The following NARS2 variants were observed in gnomAD, a reference collection of about 807,000 sequenced individuals.
NARS2 encodes asparaginyl-tRNA synthetase.
NARS2 carries 60 observed loss-of-function variants against 62.9 expected under a neutral mutation model. That is an observed-to-expected ratio of 0.95 (90% CI 0.77 to 1.18). The LOEUF (loss-of-function observed/expected upper bound fraction) is 1.18, where lower values mean the gene tolerates loss of function less well. Among genes scored for constraint, NARS2 ranks in the 50% most tolerant of loss-of-function variants. The pLI is 0.00. For missense variants in NARS2, 619 were observed against 576.4 expected (o/e 1.07, Z -0.76); for synonymous variants, 196 against 200.0 (o/e 0.98, Z 0.17).
chr11:78,500,602 T>A (rs1860244381), intron 6 of NARS2, among the ~76,000 whole-genome samples: 1 of 152,018 alleles, frequency 6.6e-6, no homozygotes, highest in Non-Finnish European at 1.5e-5. Flanking sequence ...GCCTCTTGAG[T>A]AGCGAGGACC....
In NARS2 at chr11:78,465,924, T is replaced by G. The variant is rs1555014681; in HGVS notation, c.1116A>C (p.Thr372=). 6.2e-7 allele frequency: 1 copy of G among 1,614,024 alleles called. No homozygotes were observed. The highest frequency in any genetic ancestry group is 8.5e-7 in the Non-Finnish European group (1 of 1,179,962). Residue 372 remains threonine (T), a synonymous_variant, in exon 11 of 14, where the codon ACA becomes ACC. Transcript: ENST00000281038. Reference sequence around the variant, plus strand: ...TATCCCTCATGTAGAAAGGCTTGAGTGTTAATGGATAATTAATAACGAAGA... The same window carrying G: ...TATCCCTCATGTAGAAAGGCTTGAGGGTTAATGGATAATTAATAACGAAGA... ...IPVFVINYPL[T]LKPFYMRDNE... is the part of the protein sequence containing the mutation.
rs1334881495 is a variant in NARS2, at chr11:78,493,156, T to A, written c.729A>T (p.Arg243=). 6.2e-7 allele frequency: 1 copy of A among 1,613,856 alleles called. No individual in the cohort carries two copies. The highest frequency in any genetic ancestry group is 8.5e-7 in the Non-Finnish European group (1 of 1,179,934). The part of the protein sequence containing the change: ...TQVFTFGPTF[R]AENSQSRRHL... Reference sequence around the variant, plus strand: ...GCCTCCGGCTCTGAGAATTTTCAGCTCGGAAGGTCGGACCAAAGGTAAACA... The same window carrying A: ...GCCTCCGGCTCTGAGAATTTTCAGCACGGAAGGTCGGACCAAAGGTAAACA... The change falls in exon 7 of 14, where the codon CGA becomes CGT. Residue 243 remains arginine (R), a synonymous_variant. Transcript: ENST00000281038.
At position 78,485,586 on chromosome 11, in the gene NARS2, C is replaced by T. The variant is rs372163101; in HGVS notation, c.823-6903G>A. Among the ~76,000 whole-genome samples the T allele has an allele frequency of 7.9e-5, 12 of 152,232 alleles. No homozygotes were observed. The South Asian group carries it at 1.2e-3, about 16-fold the overall frequency. ...GATTTGGGGATAAAACGTTGTTGAT[C>T]TGTTTAGTAGGCATAGGAAGCAAAA... On this transcript the variant is annotated intron_variant, in intron 7 of 13. Coordinates refer to ENST00000281038, the MANE Select transcript of NARS2 (RefSeq NM_024678.6).
chr11:78,481,180 G>A (rs2135276078), intron 7 of NARS2, among the ~76,000 whole-genome samples: 1 of 152,178 alleles, frequency 6.6e-6, no homozygotes, highest in Admixed American at 6.6e-5. Context: ...AAAACAGAAT[G>A]TATAGATTCT....
Position 78,508,389 on chromosome 11 carries a change from G to A in NARS2, c.690-15194C>T, listed in dbSNP as rs1590792820. Among the ~76,000 whole-genome samples, 12 of 152,148 alleles carry A rather than the reference G, an allele frequency of 7.9e-5. No homozygotes were observed. The South Asian group carries it at 2.3e-3, about 29-fold the overall frequency. On this transcript the variant is annotated intron_variant, in intron 6 of 13. Transcript: ENST00000281038. ...AGACCACCTGAGGTGAGGGGTTCGAGAACAGCCTGGCCAACATGGTGAAAC... is the reference window on the plus strand; with the variant it reads ...AGACCACCTGAGGTGAGGGGTTCGAAAACAGCCTGGCCAACATGGTGAAAC...
At chr11:78,487,834 T>C (rs1591193112) in intron 7 of NARS2, among the ~76,000 whole-genome samples, 1 of 152,210 alleles carries the variant, frequency 6.6e-6, no homozygotes, top group Non-Finnish European at 1.5e-5. Flanking sequence ...CAAAATTCTA[T>C]ATCCTGTGGA....
chr11:78,539,920 T>A (rs369159587), intron 5 of NARS2, among the ~76,000 whole-genome samples: 24 of 152,330 alleles, frequency 1.6e-4, no homozygotes, highest in East Asian at 1.3e-3. Context: ...ATTCCTTTTA[T>A]CTATCTTCTA....
At chr11:78,476,433 G>A (rs1349458034) in intron 9 of NARS2, among the ~76,000 whole-genome samples, 2 of 152,190 alleles carry the variant, frequency 1.3e-5, no homozygotes, top group Non-Finnish European at 2.9e-5. Flanking sequence ...GGAATCTTCT[G>A]TGTGTGGTAT....
intron 6 of NARS2, among the ~76,000 whole-genome samples, chr11:78,521,059 C>CAA (rs1254790630): frequency 7.2e-6 from 1 of 139,232 alleles, no homozygotes; most frequent in Non-Finnish European, 1.5e-5. Context: ...ACTCTGTCTC[C>CAA]AAAAAAAAAA....
At chr11:78,456,502 G>A (rs1042890186) in intron 11 of NARS2, among the ~76,000 whole-genome samples, 15 of 152,216 alleles carry the variant, frequency 9.9e-5, no homozygotes, top group African/African-American at 3.4e-4. Context: ...TTGGTGGCTC[G>A]AGCTATTTTG....
intron 5 of NARS2, among the ~76,000 whole-genome samples, chr11:78,544,707 C>A (rs1030129468): frequency 1.4e-5 from 2 of 144,608 alleles, no homozygotes; most frequent in African/African-American, 5.2e-5. Context: ...GGCAGGAGAA[C>A]GGCGTGAACC....
chr11:78,441,088 T>C lies in NARS2; in HGVS notation c.1289+3A>G. The C allele has an allele frequency of 6.2e-7, 1 of 1,612,162 alleles. No homozygotes were observed. Among genetic ancestry groups the C allele is most frequent in the Non-Finnish European group, 8.5e-7 (1 of 1,179,202 alleles). On this transcript the variant is annotated splice_donor_region_variant and intron_variant, in intron 13 of 13. Coordinates refer to ENST00000281038, the MANE Select transcript of NARS2 (RefSeq NM_024678.6). ...TAAGAATTATTAGGGGCCACATTCT[T>C]ACCATTGGTAGACTTCTGTAAGTCC...
intron 13 of NARS2, 23 bp from the exon 14 acceptor site, chr11:78,436,837 C>A: frequency 6.2e-7 from 1 of 1,609,250 alleles, no homozygotes; most frequent in Non-Finnish European, 8.5e-7. Context: ...AATAGAAAAT[C>A]ATCATCTATA....
chr11:78,550,997 TTA>T (rs772327284), intron 5 of NARS2, among the ~76,000 whole-genome samples: 1 of 152,150 alleles, frequency 6.6e-6, no homozygotes, highest in East Asian at 1.9e-4. Context: ...ACGATTCCAT[TTA>T]TATGAAAAGT....
In NARS2 at chr11:78,452,815, A is replaced by T. The variant is rs1239366165; in HGVS notation, c.1165-9057T>A. On this transcript the variant is annotated intron_variant, in intron 11 of 13. Transcript: ENST00000281038. Reference sequence around the variant, plus strand: ...GAACTTCAATTAACCACAGCCAAAAATCAGCCATAAACTTGAATTTTTAAA... The same window carrying T: ...GAACTTCAATTAACCACAGCCAAAATTCAGCCATAAACTTGAATTTTTAAA... Among the ~76,000 whole-genome samples, 3 of 152,186 alleles carry T rather than the reference A, an allele frequency of 2.0e-5. No homozygotes were observed. The East Asian group carries it at 5.8e-4, about 29-fold the overall frequency.
intron 6 of NARS2, among the ~76,000 whole-genome samples, chr11:78,515,483 C>T (rs956354095): frequency 6.6e-6 from 1 of 152,100 alleles, no homozygotes; most frequent in African/African-American, 2.4e-5. Context: ...GACGGTTATA[C>T]AACTTTGTGA....
At chr11:78,528,539 T>C (rs989207814) in intron 6 of NARS2, among the ~76,000 whole-genome samples, 1 of 152,248 alleles carries the variant, frequency 6.6e-6, no homozygotes, top group Non-Finnish European at 1.5e-5. Context: ...GGTTCAGGTA[T>C]AAACTATAAA....
chr11:78,471,818 AATG>A (rs1376748565), intron 9 of NARS2, among the ~76,000 whole-genome samples: 3 of 151,854 alleles, frequency 2.0e-5, no homozygotes, highest in Non-Finnish European at 4.4e-5. Context: ...GTTTACTGAG[AATG>A]ATGATTTCCA....
At chr11:78,522,248 G>A (rs1861157616) in intron 6 of NARS2, among the ~76,000 whole-genome samples, 2 of 151,768 alleles carry the variant, frequency 1.3e-5, no homozygotes, top group East Asian at 1.9e-4. Flanking sequence ...ATGAGCCACT[G>A]TGCCTGGTTG....
Sources: gnomAD v4.1 joint callset for allele counts (sites outside exome capture counted in the v4.1 genomes callset) on GRCh38, gnomAD v4.1.1 for gene constraint, MANE v1.5 for transcripts, NCBI Gene and HGNC (gene_info 2026-07-23, HGNC 2026-07-21) for gene names.